Variants in SATB1 observed in about 807,000 individuals in gnomAD.
The protein encoded by SATB1 is DNA-binding protein SATB1.
SATB1 carries 11 observed loss-of-function variants against 86.9 expected under a neutral mutation model. That is an observed-to-expected ratio of 0.13 (90% CI 0.08 to 0.21). The LOEUF (loss-of-function observed/expected upper bound fraction) is 0.21. Ranked by LOEUF, SATB1 falls within the 10% of genes least tolerant of loss-of-function variation. The probability of loss-of-function intolerance (pLI) is 1.00; values close to 1 mark genes in which losing one functional copy is unlikely to be tolerated. For missense variants in SATB1, 551 were observed against 937.6 expected, an observed-to-expected ratio of 0.59 and a Z score of 5.39; for synonymous variants, 357 against 357.2, an observed-to-expected ratio of 1.00 and a Z score of 0.01.
chr3:18,430,484 C>A (rs1698852218), intron 2 of SATB1, among the ~76,000 whole-genome samples: 1 of 152,106 alleles, frequency 6.6e-6, no homozygotes, highest in African/African-American at 2.4e-5. Flanking sequence ...TTAAGTATCT[C>A]ATAGGTGAAG....
chr3:18,400,618 G>A (rs998206904), intron 5 of SATB1, among the ~76,000 whole-genome samples: 1 of 152,108 alleles, frequency 6.6e-6, no homozygotes, highest in African/African-American at 2.4e-5. Context: ...ATCTGCCCTT[G>A]GACAGGAAAT....
At chr3:18,411,283 C>T (rs950287590) in intron 5 of SATB1, among the ~76,000 whole-genome samples, 30 of 152,122 alleles carry the variant, frequency 2.0e-4, no homozygotes, top group African/African-American at 5.8e-4. Flanking sequence ...CACGTGTGCA[C>T]GCGCGAGTAT....
intron 5 of SATB1, among the ~76,000 whole-genome samples, chr3:18,404,993 G>A (rs1697450304): frequency 6.6e-6 from 1 of 151,922 alleles, no homozygotes; most frequent in Admixed American, 6.6e-5. Flanking sequence ...CAAACAGAGT[G>A]ACTAAAAAAG....
At chr3:18,381,954 G>A (rs961565962) in intron 8 of SATB1, among the ~76,000 whole-genome samples, 1 of 151,914 alleles carries the variant, frequency 6.6e-6, no homozygotes, top group African/African-American at 2.4e-5. Context: ...AAGTCTTCCA[G>A]CTTTTAAAAG....
chr3:18,399,911 T>C (rs1048455538), intron 5 of SATB1, among the ~76,000 whole-genome samples: 1 of 152,068 alleles, frequency 6.6e-6, no homozygotes, highest in Non-Finnish European at 1.5e-5. Context: ...ATGAGGTGTA[T>C]GTGTGTGGGC....
At chr3:18,375,500 T>TG (rs2125180852) in intron 9 of SATB1, among the ~76,000 whole-genome samples, 1 of 152,318 alleles carries the variant, frequency 6.6e-6, no homozygotes, top group East Asian at 1.9e-4. Context: ...CTTGGGGGAC[T>TG]GCTGCCTCAT....
chr3:18,425,799 G>C (rs1186093939), upstream of SATB1, among the ~76,000 whole-genome samples: 1 of 148,158 alleles, frequency 6.7e-6, no homozygotes, highest in Non-Finnish European at 1.5e-5. Flanking sequence ...GGCGGCAGGG[G>C]CAGGTGTGTG....
chr3:18,406,369 A>G (rs1463427005), intron 5 of SATB1, among the ~76,000 whole-genome samples: 2 of 152,072 alleles, frequency 1.3e-5, no homozygotes, highest in Admixed American at 6.6e-5. Flanking sequence ...ATCTTTGTCT[A>G]TAAATTATCT....
At chr3:18,405,199 T>C (rs1033124112) in intron 5 of SATB1, among the ~76,000 whole-genome samples, 2 of 152,042 alleles carry the variant, frequency 1.3e-5, no homozygotes, top group Admixed American at 6.6e-5. Flanking sequence ...TAAATATGAA[T>C]CCAAGGAATT....
intron 9 of SATB1, among the ~76,000 whole-genome samples, chr3:18,371,992 A>T (rs1436344583): frequency 6.6e-6 from 1 of 152,228 alleles, no homozygotes; most frequent in Non-Finnish European, 1.5e-5. Context: ...TAACTCTTCA[A>T]CTGACAAAGC....
chr3:18,411,846 A>G (rs769397975), intron 5 of SATB1, among the ~76,000 whole-genome samples: 31 of 152,154 alleles, frequency 2.0e-4, no homozygotes, highest in Non-Finnish European at 3.4e-4. Context: ...CAGATTTATG[A>G]TAGGAAAGTG....
In SATB1 at chr3:18,424,924, G is replaced by C. The variant is rs922340241; in HGVS notation, c.-1322C>G. On this transcript the variant is annotated 5_prime_UTR_variant, in exon 1 of 11. Coordinates refer to ENST00000338745, the MANE Select transcript of SATB1 (RefSeq NM_002971.6). ...GGTGTTGCTGGGTGGCACAGGGAGA[G>C]GTGTGTGTGTGTTTGTGTGTGTGCG... 1 of 154,166 alleles carries C rather than the reference G, an allele frequency of 6.5e-6. No homozygotes were observed. The highest frequency in any genetic ancestry group is 2.0e-4 in the South Asian group (1 of 4,928). 9.5% of individuals were successfully genotyped at this position (154,166 alleles called of 1,614,324 possible).
Position 18,352,303 on chromosome 3 carries a change from CAGA to C in SATB1, c.1576-111_1576-109del. 1.2e-6 allele frequency: 1 copy of C among 849,206 alleles called. No homozygotes were observed. Among genetic ancestry groups the C allele is most frequent in the Non-Finnish European group, 1.9e-6 (1 of 538,162 alleles). 52.6% of individuals were successfully genotyped at this position (849,206 alleles called of 1,614,324 possible). ...CTATGAATTAACTTTTTCATAAGCT[CAGA>C]ACACACCATTCTGCTTTAAAAATTG... On this transcript the variant is annotated intron_variant, in intron 9 of 10. Transcript: ENST00000338745. This position sits in a 1 kb window ranked among gnomAD's most constrained non-coding sequence, Gnocchi z 4.1.
At position 18,394,313 on chromosome 3, in the gene SATB1, G is replaced by C; in HGVS notation, c.1206+149C>G. 1 of 689,410 alleles carries C rather than the reference G, an allele frequency of 1.5e-6. No individual in the cohort carries two copies. Among genetic ancestry groups the C allele is most frequent in the Non-Finnish European group, 2.4e-6 (1 of 410,038 alleles). 42.7% of individuals were successfully genotyped at this position (689,410 alleles called of 1,614,324 possible). A position where few individuals can be genotyped will look rare whatever the true frequency, so the allele number is the denominator to read the frequency against. Reference sequence around the variant, plus strand: ...TCATAGGAAAAGGAGTGGTAAAATTGAGGCTCCACCAGGAATAGGTAATAT... The same window carrying C: ...TCATAGGAAAAGGAGTGGTAAAATTCAGGCTCCACCAGGAATAGGTAATAT... On this transcript the variant is annotated intron_variant, in intron 7 of 10. Coordinates refer to ENST00000338745, the MANE Select transcript of SATB1 (RefSeq NM_002971.6). This position sits in a 1 kb window ranked among gnomAD's most constrained non-coding sequence, Gnocchi z 5.9.
chr3:18,425,630 C>T (rs1251765515), upstream of SATB1, among the ~76,000 whole-genome samples: 1 of 151,680 alleles, frequency 6.6e-6, no homozygotes, highest in Non-Finnish European at 1.5e-5. Context: ...AGTGAGGCGG[C>T]CCGACATTTA....
intron 7 of SATB1, among the ~76,000 whole-genome samples, chr3:18,390,461 C>T (rs1033849516): frequency 3.3e-5 from 5 of 152,202 alleles, no homozygotes; most frequent in African/African-American, 1.2e-4. Flanking sequence ...ACACATTTAT[C>T]TCTGTCGTTT....
At chr3:18,356,609 A>C (rs1280268695) in intron 9 of SATB1, among the ~76,000 whole-genome samples, 1 of 151,836 alleles carries the variant, frequency 6.6e-6, no homozygotes, top group East Asian at 1.9e-4. Flanking sequence ...CTTTACTGAC[A>C]AAATCTTGTT....
intron 2 of SATB1, among the ~76,000 whole-genome samples, chr3:18,432,706 A>G (rs1255002296): frequency 1.3e-5 from 2 of 152,142 alleles, no homozygotes; most frequent in Non-Finnish European, 2.9e-5. Flanking sequence ...TGATGGTTGC[A>G]CAACAGTGTG....
chr3:18,356,112 G>A (rs997572362), intron 9 of SATB1, among the ~76,000 whole-genome samples: 4 of 151,796 alleles, frequency 2.6e-5, no homozygotes, highest in Admixed American at 1.3e-4. Flanking sequence ...TGGCATGGAC[G>A]CTGAATAAGC....
Sources: gnomAD v4.1 joint callset for allele counts (sites outside exome capture counted in the v4.1 genomes callset) on GRCh38, gnomAD v4.1.1 for gene constraint, Gnocchi (gnomAD v3.1) non-coding constraint, MANE v1.5 for transcripts, NCBI Gene and HGNC (gene_info 2026-07-23, HGNC 2026-07-21) for gene names.